FAM171A1: variants seen among roughly 807,000 people sequenced by gnomAD.
FAM171A1 encodes protein FAM171A1.
Under a neutral mutation model 74.9 loss-of-function variants are expected in FAM171A1, and 23 were observed. That is an observed-to-expected ratio of 0.31 (90% CI 0.22 to 0.44). FAM171A1 has a LOEUF of 0.44. Ranked by LOEUF, FAM171A1 falls within the 20% of genes least tolerant of loss-of-function variation. The probability of loss-of-function intolerance (pLI) is 1.00; values close to 1 mark genes in which losing one functional copy is unlikely to be tolerated. For synonymous variants in FAM171A1, 527 were observed against 505.7 expected, an observed-to-expected ratio of 1.04 and a Z score of -0.57; for missense variants, 1,162 against 1,159.2, an observed-to-expected ratio of 1.00 and a Z score of -0.03.
Position 15,343,817 on chromosome 10 carries a change from T to C in FAM171A1, c.97+27139A>G, listed in dbSNP as rs1289450535. Among the ~76,000 whole-genome samples, 16 of 122,374 alleles carry C rather than the reference T, an allele frequency of 1.3e-4. No homozygotes were observed. In the East Asian group the frequency reaches 3.2e-3, roughly 25 times the overall value. The allele number at this position is 122,374 out of a possible 152,430, so 80.3% of individuals were successfully genotyped here. On this transcript the variant is annotated intron_variant, in intron 1 of 7. Coordinates refer to ENST00000378116, the MANE Select transcript of FAM171A1 (RefSeq NM_001010924.2). ...AGAGAGCAAGATCCATCTCTCAAAATAAAATAAAATGCTCCCAGGTAATGA... is the reference window on the plus strand; with the variant it reads ...AGAGAGCAAGATCCATCTCTCAAAACAAAATAAAATGCTCCCAGGTAATGA...
At chr10:15,233,451 C>A (rs979005920) in intron 5 of FAM171A1, among the ~76,000 whole-genome samples, 13 of 151,912 alleles carry the variant, frequency 8.6e-5, no homozygotes, top group African/African-American at 2.7e-4. Flanking sequence ...TGGCGTACTG[C>A]AGGGACAAGC....
intron 5 of FAM171A1, among the ~76,000 whole-genome samples, chr10:15,234,855 G>A (rs1249384143): frequency 6.6e-6 from 1 of 151,974 alleles, no homozygotes; most frequent in Admixed American, 6.6e-5. Context: ...GTAGAGACGG[G>A]GTTTCACTGT....
intron 1 of FAM171A1, among the ~76,000 whole-genome samples, chr10:15,291,538 G>A (rs1041004658): frequency 1.3e-5 from 2 of 152,088 alleles, no homozygotes; most frequent in African/African-American, 2.4e-5. Context: ...TCTGATCTCC[G>A]AATCTGAGTC....
At chr10:15,299,122 T>C (rs544892490) in intron 1 of FAM171A1, among the ~76,000 whole-genome samples, 1 of 152,272 alleles carries the variant, frequency 6.6e-6, no homozygotes, top group Admixed American at 6.5e-5. Flanking sequence ...TTTCGCCACG[T>C]TGGCCAGGCT....
upstream of FAM171A1, among the ~76,000 whole-genome samples, chr10:15,372,999 A>G (rs1251215416): frequency 6.6e-6 from 1 of 152,182 alleles, no homozygotes; most frequent in African/African-American, 2.4e-5. Context: ...CCAGGCCAGA[A>G]GGAGGGTTAT....
chr10:15,305,949 G>A (rs372435430), intron 1 of FAM171A1, among the ~76,000 whole-genome samples: 2 of 152,306 alleles, frequency 1.3e-5, no homozygotes, highest in South Asian at 4.2e-4. Context: ...CAACACAGGC[G>A]AGGAGGGTGG....
At chr10:15,315,296 CCTTT>C (rs1052251040) in intron 1 of FAM171A1, among the ~76,000 whole-genome samples, 1 of 152,190 alleles carries the variant, frequency 6.6e-6, no homozygotes, top group Non-Finnish European at 1.5e-5. Context: ...GTCTCATCTT[CCTTT>C]GTCTCGGTTT....
Position 15,262,765 on chromosome 10 carries a change from G to A in FAM171A1, c.419-7886C>T, listed in dbSNP as rs1010420804. Among the ~76,000 whole-genome samples, 9 of 152,308 alleles carry A rather than the reference G, an allele frequency of 5.9e-5. No homozygotes were observed. In the East Asian group the frequency reaches 1.7e-3, roughly 29 times the overall value. ...TGAGAAAGAACTAGAAGAGATGAAA[G>A]GCTCAGCATAAATCCAGGGAGGTGT... is the stretch of plus-strand genomic sequence containing the variant. On this transcript the variant is annotated intron_variant, in intron 3 of 7. Transcript: ENST00000378116.
intron 5 of FAM171A1, among the ~76,000 whole-genome samples, chr10:15,233,114 G>A (rs1013507133): frequency 3.9e-5 from 6 of 152,064 alleles, no homozygotes; most frequent in African/African-American, 1.4e-4. Context: ...CTAACACGGT[G>A]AAACCCCGTT....
chr10:15,244,108 C>T (rs138311267), intron 5 of FAM171A1, among the ~76,000 whole-genome samples: 326 of 152,330 alleles, frequency 2.1e-3, no homozygotes, highest in African/African-American at 7.6e-3. Context: ...CATCCCACGA[C>T]TGTGGGAAGC....
intron 5 of FAM171A1, among the ~76,000 whole-genome samples, chr10:15,229,768 T>G (rs199618426): frequency 2.3e-5 from 1 of 43,616 alleles, no homozygotes; most frequent in Non-Finnish European, 4.7e-5. Flanking sequence ...ATCACCACCA[T>G]CACCATCATC....
chr10:15,220,081 G>A (rs1202683911), intron 6 of FAM171A1, among the ~76,000 whole-genome samples: 1 of 152,070 alleles, frequency 6.6e-6, no homozygotes, highest in East Asian at 1.9e-4. Flanking sequence ...TGCCTTCATG[G>A]TTCATTTACA....
intron 1 of FAM171A1, among the ~76,000 whole-genome samples, chr10:15,336,709 C>A (rs955402112): frequency 6.6e-6 from 1 of 152,078 alleles, no homozygotes; most frequent in Non-Finnish European, 1.5e-5. Flanking sequence ...AATAAAATGT[C>A]AATTAAGTGT....
At chr10:15,302,778 T>C (rs1835247857) in intron 1 of FAM171A1, among the ~76,000 whole-genome samples, 2 of 152,246 alleles carry the variant, frequency 1.3e-5, no homozygotes, top group South Asian at 4.1e-4. Context: ...CATTCAAAAA[T>C]GTGCATGTGT....
chr10:15,216,106 G>C lies in FAM171A1; in HGVS notation c.876C>G (p.Pro292=), dbSNP rs777331323. 6.3e-7 allele frequency: 1 copy of C among 1,584,410 alleles called. No homozygotes were observed. Among genetic ancestry groups the C allele is most frequent in the South Asian group, 1.2e-5 (1 of 85,350 alleles). The change falls in exon 7 of 8, where the codon CCC becomes CCG. Residue 292 remains proline (P), a synonymous_variant. Transcript: ENST00000378116. ...VAAMSPPIPG[P]VVTQDITTYH... The stretch of plus-strand genomic sequence containing the variant: ...ACGTGGTAATGTCCTGTGTTACAAC[G>C]GGACCTAGAAGGTCAGAAAATGGCA...
At chr10:15,303,391 C>A (rs887767532) in intron 1 of FAM171A1, among the ~76,000 whole-genome samples, 14 of 152,092 alleles carry the variant, frequency 9.2e-5, no homozygotes, top group African/African-American at 3.4e-4. Context: ...TGATTTTTTT[C>A]CGTAGTGAAC....
Position 15,254,748 on chromosome 10 carries a change from A to T in FAM171A1, c.550T>A (p.Leu184Met), listed in dbSNP as rs954582774. The change falls in exon 4 of 8, where the codon TTG becomes ATG. Residue 184 changes from leucine to methionine, a missense_variant. Coordinates refer to ENST00000378116, the MANE Select transcript of FAM171A1 (RefSeq NM_001010924.2). ...SPSEVDSFPY[L>M]RGLDGNGTGN... ...GTTCCATTTCCGTCTAATCCTCGCA[A>T]ATAAGGAAAACTGTCCACCTCCGAA... 25 of 1,614,070 alleles carry T rather than the reference A, an allele frequency of 1.5e-5. No homozygotes were observed. The highest frequency in any genetic ancestry group is 1.5e-5 in the Non-Finnish European group (18 of 1,180,018).
intron 1 of FAM171A1, among the ~76,000 whole-genome samples, chr10:15,360,235 G>A (rs1336935648): frequency 6.6e-6 from 1 of 152,130 alleles, no homozygotes; most frequent in African/African-American, 2.4e-5. Flanking sequence ...ACCTGGGCCC[G>A]ATGCTTTGCT....
At chr10:15,274,744 C>T (rs1314525279) in intron 3 of FAM171A1, among the ~76,000 whole-genome samples, 8 of 152,124 alleles carry the variant, frequency 5.3e-5, no homozygotes, top group East Asian at 1.9e-4. Flanking sequence ...CATCTACAAC[C>T]GTCTGATCTT....
Sources: gnomAD v4.1 joint callset for allele counts (sites outside exome capture counted in the v4.1 genomes callset) on GRCh38, gnomAD v4.1.1 for gene constraint, MANE v1.5 for transcripts, NCBI Gene and HGNC (gene_info 2026-07-23, HGNC 2026-07-21) for gene names.